Variants in ARHGAP10 observed in about 807,000 individuals in gnomAD.
ARHGAP10 encodes Rho GTPase activating protein 10.
ARHGAP10 carries 87 observed loss-of-function variants against 108.6 expected under a neutral mutation model. The ratio of observed to expected loss-of-function variants is 0.80; its 90% CI spans 0.67 to 0.96. The LOEUF (loss-of-function observed/expected upper bound fraction) is 0.96, where lower values mean the gene tolerates loss of function less well. Among genes scored for constraint, ARHGAP10 ranks in the 40% least tolerant of loss-of-function variants. ARHGAP10 has a pLI of 0.00. For missense variants in ARHGAP10, 939 were observed against 954.5 expected, an observed-to-expected ratio of 0.98 and a Z score of 0.21; for synonymous variants, 347 against 341.1, an observed-to-expected ratio of 1.02 and a Z score of -0.19.
chr4:148,017,657 T>TAC, intron 18 of ARHGAP10, among the ~76,000 whole-genome samples: 1 of 122,546 alleles, frequency 8.2e-6, no homozygotes, highest in African/African-American at 4.0e-5. Context: ...AGTAACTATA[T>TAC]ATATATATAT....
chr4:147,976,036 T>G (rs1329930699), intron 18 of ARHGAP10, among the ~76,000 whole-genome samples: 1 of 152,202 alleles, frequency 6.6e-6, no homozygotes, highest in Admixed American at 6.5e-5. Flanking sequence ...TGTGGGCTGT[T>G]TTTGATGAGG....
At chr4:147,758,841 T>C in intron 1 of ARHGAP10, among the ~76,000 whole-genome samples, 1 of 150,816 alleles carries the variant, frequency 6.6e-6, no homozygotes, top group Non-Finnish European at 1.5e-5. Flanking sequence ...TAGTTGGGGG[T>C]GGTGGTGCGT....
intron 4 of ARHGAP10, among the ~76,000 whole-genome samples, chr4:147,856,040 G>C (rs1006631990): frequency 6.6e-6 from 1 of 152,190 alleles, no homozygotes; most frequent in Non-Finnish European, 1.5e-5. Context: ...TTTTTAGGAG[G>C]TGTGGAGAGT....
intron 1 of ARHGAP10, among the ~76,000 whole-genome samples, chr4:147,784,161 A>G (rs1463846947): frequency 1.1e-5 from 1 of 90,816 alleles, no homozygotes; most frequent in Non-Finnish European, 2.0e-5. Flanking sequence ...ATAACATTAA[A>G]TTGTGTATTA....
intron 1 of ARHGAP10, among the ~76,000 whole-genome samples, chr4:147,775,822 T>C (rs971012835): frequency 6.6e-6 from 1 of 152,188 alleles, no homozygotes; most frequent in Non-Finnish European, 1.5e-5. Context: ...GCTCTGATGA[T>C]GATAATAATA....
At chr4:147,742,558 A>G (rs1728725500) in intron 1 of ARHGAP10, among the ~76,000 whole-genome samples, 1 of 134,392 alleles carries the variant, frequency 7.4e-6, no homozygotes, top group Non-Finnish European at 1.5e-5. Flanking sequence ...ATCTCGACTC[A>G]CTGCAACCTC....
At chr4:147,876,381 A>G (rs1173285332) in intron 8 of ARHGAP10, among the ~76,000 whole-genome samples, 1 of 152,214 alleles carries the variant, frequency 6.6e-6, no homozygotes, top group Non-Finnish European at 1.5e-5. Flanking sequence ...TCACGAGGTC[A>G]GGAGATCGAG....
chr4:147,744,907 A>G (rs1448943232), intron 1 of ARHGAP10, among the ~76,000 whole-genome samples: 1 of 152,180 alleles, frequency 6.6e-6, no homozygotes, highest in Non-Finnish European at 1.5e-5. Context: ...ATGCAGCTGA[A>G]TACCGAGGCT....
rs757491088 is a variant in ARHGAP10 at position 147,966,712 on chromosome 4, CTG to C, written c.1592_1593del (p.Val531GlyfsTer37). On this transcript the variant is annotated frameshift_variant, in exon 18 of 23. Coordinates refer to ENST00000336498, the MANE Select transcript of ARHGAP10 (RefSeq NM_024605.4). LOFTEE classifies it high-confidence loss of function. ...AATCACTCCAAGCAGAACCTGATGA[CTG>C]TGGCAAACTTAGGAGTGGTGTTTGG... The C allele has an allele frequency of 6.3e-7, 1 of 1,592,856 alleles. No homozygotes were observed. Among genetic ancestry groups the C allele is most frequent in the Non-Finnish European group, 8.6e-7 (1 of 1,166,038 alleles).
chr4:147,922,816 T>C (rs985111510), intron 13 of ARHGAP10, among the ~76,000 whole-genome samples: 4 of 152,218 alleles, frequency 2.6e-5, no homozygotes, highest in African/African-American at 9.7e-5. Context: ...TTCATCCTTC[T>C]CCTGATTTGT....
intron 1 of ARHGAP10, among the ~76,000 whole-genome samples, chr4:147,806,182 CCT>C (rs1731776495): frequency 6.6e-6 from 1 of 152,138 alleles, no homozygotes; most frequent in Non-Finnish European, 1.5e-5. Flanking sequence ...CATCTTACCA[CCT>C]CAGTGTCCAG....
chr4:147,989,694 T>C (rs1740194931), intron 18 of ARHGAP10, among the ~76,000 whole-genome samples: 1 of 152,346 alleles, frequency 6.6e-6, no homozygotes, highest in East Asian at 1.9e-4. Flanking sequence ...ATTGCTCTTA[T>C]CTTGTTCTTT....
At chr4:147,872,177 A>AG (rs1237857755) in intron 7 of ARHGAP10, among the ~76,000 whole-genome samples, 1 of 147,794 alleles carries the variant, frequency 6.8e-6, no homozygotes, top group Non-Finnish European at 1.5e-5. Flanking sequence ...GGTGAGGGAG[A>AG]GGGGGACCTC....
At chr4:147,793,200 G>GCA in intron 1 of ARHGAP10, among the ~76,000 whole-genome samples, 1 of 151,452 alleles carries the variant, frequency 6.6e-6, no homozygotes, top group Non-Finnish European at 1.5e-5. Context: ...GTGTGTGTGT[G>GCA]TATATGTGTG....
chr4:147,874,046 C>T (rs1374704950), intron 7 of ARHGAP10, among the ~76,000 whole-genome samples: 1 of 151,906 alleles, frequency 6.6e-6, no homozygotes, highest in East Asian at 1.9e-4. Flanking sequence ...CAACAAACCT[C>T]TGCAGACAGG....
intron 15 of ARHGAP10, among the ~76,000 whole-genome samples, chr4:147,949,929 A>C (rs544980161): frequency 1.3e-5 from 2 of 152,194 alleles, no homozygotes; most frequent in South Asian, 4.2e-4. Flanking sequence ...TATTTAGTAC[A>C]TAGGATTTCT....
chr4:147,824,094 C>A (rs896214205), intron 3 of ARHGAP10, among the ~76,000 whole-genome samples: 2 of 151,650 alleles, frequency 1.3e-5, no homozygotes, highest in East Asian at 2.0e-4. Context: ...CTGAGGCAGG[C>A]GAGTCACCTG....
At chr4:147,809,903 G>A (rs527675640) in intron 1 of ARHGAP10, among the ~76,000 whole-genome samples, 2 of 152,124 alleles carry the variant, frequency 1.3e-5, no homozygotes, top group East Asian at 3.8e-4. Flanking sequence ...ACGCCAAGGA[G>A]ATTTAGGATA....
intron 1 of ARHGAP10, among the ~76,000 whole-genome samples, chr4:147,738,573 A>T (rs546089113): frequency 1.3e-5 from 2 of 152,168 alleles, no homozygotes; most frequent in African/African-American, 4.8e-5. Context: ...AAAAAATTAT[A>T]ATACGACCTA....
Sources: gnomAD v4.1 joint callset for allele counts (sites outside exome capture counted in the v4.1 genomes callset) on GRCh38, gnomAD v4.1.1 for gene constraint, MANE v1.5 for transcripts, NCBI Gene and HGNC (gene_info 2026-07-23, HGNC 2026-07-21) for gene names.